The following ACOT13 variants were observed in gnomAD, a reference collection of about 807,000 sequenced individuals.
ACOT13 encodes the protein acyl-CoA thioesterase 13.
In ACOT13, 10 loss-of-function variants were observed where a neutral mutation model predicts 11.8. That is an observed-to-expected ratio of 0.85 (90% confidence interval 0.53 to 1.44). The LOEUF (loss-of-function observed/expected upper bound fraction) is 1.44. Ranked by LOEUF, ACOT13 falls within the 40% of genes most tolerant of loss-of-function variation. The pLI is 0.00. For missense variants in ACOT13, 172 were observed against 174.1 expected, an observed-to-expected ratio of 0.99 and a Z score of 0.07; for synonymous variants, 53 against 61.0, an observed-to-expected ratio of 0.87 and a Z score of 0.61.
intron 2 of ACOT13, among the ~76,000 whole-genome samples, chr6:24,698,331 T>C (rs565431589): frequency 1.3e-5 from 2 of 150,182 alleles, no homozygotes; most frequent in African/African-American, 4.9e-5. Context: ...TTAATGTGTA[T>C]ACTGATGCAG....
chr6:24,699,886 T>C (rs1778865262), intron 2 of ACOT13, among the ~76,000 whole-genome samples: 2 of 152,252 alleles, frequency 1.3e-5, no homozygotes, highest in Non-Finnish European at 2.9e-5. Context: ...CAAATATGTG[T>C]TGCCAAAAGC....
chr6:24,682,449 G>A (rs990311685), intron 1 of ACOT13, among the ~76,000 whole-genome samples: 2 of 152,176 alleles, frequency 1.3e-5, no homozygotes, highest in African/African-American at 2.4e-5. Context: ...TGGGCCATGC[G>A]GTGAGTGTTA....
intron 2 of ACOT13, among the ~76,000 whole-genome samples, chr6:24,698,626 GAAC>G (rs1778837354): frequency 6.6e-6 from 1 of 150,726 alleles, no homozygotes; most frequent in African/African-American, 2.4e-5. Context: ...CTAACAAACT[GAAC>G]ACCATTGCTG....
In ACOT13 at chr6:24,685,641, C is replaced by T. The variant is rs374057339; in HGVS notation, c.82-12242C>T. Among the ~76,000 whole-genome samples the T allele has an allele frequency of 1.1e-4, 17 of 152,300 alleles. No individual in the cohort carries two copies. In the Middle Eastern group the frequency reaches 0.01, roughly 91 times the overall value. On this transcript the variant is annotated intron_variant, in intron 1 of 2. Transcript: ENST00000230048. ...GATTACAGGCGTAAGCCACCGCGCC[C>T]GGCCCTTTTACTGTACTTTTTAAGG... is the stretch of plus-strand genomic sequence containing the variant.
intron 1 of ACOT13, among the ~76,000 whole-genome samples, chr6:24,677,487 G>A (rs975544069): frequency 6.6e-6 from 1 of 152,218 alleles, no homozygotes; most frequent in Non-Finnish European, 1.5e-5. Context: ...TAAACAATGA[G>A]GCCAACCCTT....
intron 1 of ACOT13, among the ~76,000 whole-genome samples, chr6:24,672,992 T>G (rs369046921): frequency 2.0e-5 from 3 of 152,314 alleles, no homozygotes; most frequent in East Asian, 3.9e-4. Context: ...TGTCAGTGTT[T>G]AAGATTTAGT....
chr6:24,703,033 T>TG lies in ACOT13; in HGVS notation c.*1419dup, dbSNP rs1778920729. Reference sequence around the variant, plus strand: ...TCCTGAGTAGCTGGAACTACAGGCGTGTGCCACCACGCCTAATTTTATTTT... The same window carrying TG: ...TCCTGAGTAGCTGGAACTACAGGCGTGGTGCCACCACGCCTAATTTTATTTT... On this transcript the variant is annotated 3_prime_UTR_variant, in exon 3 of 3. Coordinates refer to ENST00000230048, the MANE Select transcript of ACOT13 (RefSeq NM_018473.4). The TG allele has an allele frequency of 6.6e-6, 1 of 152,264 alleles. No individual in the cohort carries two copies. Among genetic ancestry groups the TG allele is most frequent in the South Asian group, 2.1e-4 (1 of 4,834 alleles). 9.4% of individuals were successfully genotyped at this position (152,264 alleles called of 1,614,324 possible).
chr6:24,667,263 G>T lies in ACOT13; in HGVS notation c.-1G>T. 1 of 1,614,020 alleles carries T rather than the reference G, an allele frequency of 6.2e-7. No homozygotes were observed. Among genetic ancestry groups the T allele is most frequent in the Non-Finnish European group, 8.5e-7 (1 of 1,179,974 alleles). On this transcript the variant is annotated 5_prime_UTR_variant, in exon 1 of 3. Coordinates refer to ENST00000230048, the MANE Select transcript of ACOT13 (RefSeq NM_018473.4). ...GCCCAAAGGCTGGAAAACCGTCCAC[G>T]ATGACCAGCATGACTCAGTCTCTGC...
intron 1 of ACOT13, among the ~76,000 whole-genome samples, chr6:24,691,553 G>A (rs575123309): frequency 6.6e-6 from 1 of 152,276 alleles, no homozygotes; most frequent in East Asian, 1.9e-4. Context: ...CCTGCCCCAA[G>A]ATGTGTATTC....
chr6:24,701,578 T>C lies in ACOT13; in HGVS notation c.386T>C (p.Ile129Thr), dbSNP rs766159165. The change falls in exon 3 of 3, where the codon ATA becomes ACA. Residue 129 changes from isoleucine (I) to threonine (T), a missense_variant. Ile to Thr is a moderately conservative substitution (Grantham distance 89, BLOSUM62 -1). Coordinates refer to ENST00000230048, the MANE Select transcript of ACOT13 (RefSeq NM_018473.4). The stretch of plus-strand genomic sequence containing the variant: ...ACCAACAAGGCCACAGGAAAATTAA[T>C]AGCACAAGGAAGACACACAAAACAC... ...DLTNKATGKL[I>T]AQGRHTKHLG... 1.3e-5 allele frequency: 21 copies of C among 1,613,574 alleles called. No homozygotes were observed. Among genetic ancestry groups the C allele is most frequent in the East Asian group, 2.2e-5 (1 of 44,848 alleles).
At position 24,702,622 on chromosome 6, in the gene ACOT13, C is replaced by G. The variant is rs967459981; in HGVS notation, c.*1007C>G. 6 of 152,034 alleles carry G rather than the reference C, an allele frequency of 3.9e-5. No individual in the cohort carries two copies. The highest frequency in any genetic ancestry group is 1.5e-4 in the African/African-American group (6 of 41,342). The allele number at this position is 152,034 out of a possible 1,614,324, so 9.4% of individuals were successfully genotyped here. A position where few individuals can be genotyped will look rare whatever the true frequency, so the allele number is the denominator to read the frequency against. On this transcript the variant is annotated 3_prime_UTR_variant, in exon 3 of 3. Coordinates refer to ENST00000230048, the MANE Select transcript of ACOT13 (RefSeq NM_018473.4). The stretch of plus-strand genomic sequence containing the variant: ...GATCTAAAATGCCAAGCTACACTTG[C>G]ATTTCCTTTTTTTAAGATTATGAAA...
intron 1 of ACOT13, among the ~76,000 whole-genome samples, chr6:24,696,368 T>C (rs571214441): frequency 1.3e-5 from 2 of 152,316 alleles, no homozygotes; most frequent in African/African-American, 4.8e-5. Context: ...CATCACATCT[T>C]GGGTGATCTT....
At chr6:24,695,008 T>A (rs1485846560) in intron 1 of ACOT13, among the ~76,000 whole-genome samples, 2 of 152,162 alleles carry the variant, frequency 1.3e-5, no homozygotes, top group South Asian at 2.1e-4. Flanking sequence ...GAACAAACTG[T>A]GCCTTAAAAT....
In ACOT13 at chr6:24,687,660, A is replaced by C. The variant is rs76228045; in HGVS notation, c.82-10223A>C. 5,745 of 1,532,898 alleles carry C rather than the reference A, an allele frequency of 3.7e-3. 156 individuals are homozygous for C. The African/African-American group carries it at 0.063, about 17-fold the overall frequency. 95.0% of individuals were successfully genotyped at this position (1,532,898 alleles called of 1,614,324 possible). Reference sequence around the variant, plus strand: ...AAAGACATACAGGCTTGAGAGAAAGAAAGCATGTAAAGAAGACAGAAATGG... The same window carrying C: ...AAAGACATACAGGCTTGAGAGAAAGCAAGCATGTAAAGAAGACAGAAATGG... On this transcript the variant is annotated intron_variant, in intron 1 of 2. Transcript: ENST00000230048.
intron 1 of ACOT13, among the ~76,000 whole-genome samples, chr6:24,696,062 C>CA (rs1778790416): frequency 6.6e-6 from 1 of 151,758 alleles, no homozygotes; most frequent in Admixed American, 6.6e-5. Context: ...CATCTCAAAA[C>CA]AAAAAACAAA....
intron 1 of ACOT13, among the ~76,000 whole-genome samples, chr6:24,668,421 A>T (rs1044753061): frequency 4.6e-5 from 7 of 151,846 alleles, no homozygotes; most frequent in Non-Finnish European, 1.0e-4. Flanking sequence ...GGGTTTCATC[A>T]TGTTGGTCAG....
chr6:24,680,668 G>A (rs551428217), intron 1 of ACOT13, among the ~76,000 whole-genome samples: 100 of 152,280 alleles, frequency 6.6e-4, no homozygotes, highest in South Asian at 5.8e-3. Flanking sequence ...CAGCGTGCCC[G>A]ACATTGCTTT....
chr6:24,681,171 G>T (rs564247790), intron 1 of ACOT13, among the ~76,000 whole-genome samples: 1 of 107,730 alleles, frequency 9.3e-6, no homozygotes, highest in Non-Finnish European at 1.8e-5. Context: ...GATTTAGTAA[G>T]CTACCTTTTT....
Position 24,701,643 on chromosome 6 carries a change from C to A in ACOT13, c.*28C>A. On this transcript the variant is annotated 3_prime_UTR_variant, in exon 3 of 3. Coordinates refer to ENST00000230048, the MANE Select transcript of ACOT13 (RefSeq NM_018473.4). ...GAACAGCAGAATGACCTAAAGAAAC[C>A]CAACAATGAATATCAAGTATAGATT... The A allele has an allele frequency of 3.8e-6, 6 of 1,565,592 alleles. No homozygotes were observed. Among genetic ancestry groups the A allele is most frequent in the Non-Finnish European group, 4.3e-6 (5 of 1,154,140 alleles).
Sources: gnomAD v4.1 joint callset for allele counts (sites outside exome capture counted in the v4.1 genomes callset) on GRCh38, gnomAD v4.1.1 for gene constraint, MANE v1.5 for transcripts, NCBI Gene and HGNC (gene_info 2026-07-23, HGNC 2026-07-21) for gene names.